Variants in CASR observed in about 807,000 individuals in gnomAD.
CASR encodes calcium sensing receptor.
In CASR, 23 loss-of-function variants were observed where a neutral mutation model predicts 69.1. That is an observed-to-expected ratio of 0.33 (90% CI 0.24 to 0.47). CASR has a LOEUF of 0.47. CASR is among the 20% of genes least tolerant of loss of function. The pLI, the probability that CASR is intolerant of heterozygous loss-of-function variation, is 1.00. For missense variants in CASR, 924 were observed against 1,356.1 expected, an observed-to-expected ratio of 0.68 and a Z score of 5.00; for synonymous variants, 541 against 544.7, an observed-to-expected ratio of 0.99 and a Z score of 0.10.
chr3:122,191,011 C>T (rs2073834588), intron 1 of CASR, among the ~76,000 whole-genome samples: 1 of 152,224 alleles, frequency 6.6e-6, no homozygotes, highest in African/African-American at 2.4e-5. Context: ...TCAGCTGCCT[C>T]TCCACCTTAT....
intron 1 of CASR, among the ~76,000 whole-genome samples, chr3:122,225,740 A>C (rs954809380): frequency 2.6e-5 from 4 of 152,204 alleles, no homozygotes; most frequent in African/African-American, 9.7e-5. Flanking sequence ...CCCAAAAGAA[A>C]ATAAATCATT....
intron 1 of CASR, among the ~76,000 whole-genome samples, chr3:122,184,739 G>A (rs1370090698): frequency 6.6e-6 from 1 of 152,244 alleles, no homozygotes; most frequent in Non-Finnish European, 1.5e-5. Context: ...GGATTGTTCA[G>A]TGCCCCTAGA....
At chr3:122,272,104 C>T (rs920305432) in intron 4 of CASR, among the ~76,000 whole-genome samples, 17 of 151,448 alleles carry the variant, frequency 1.1e-4, no homozygotes, top group East Asian at 3.9e-4. Flanking sequence ...CACACACACA[C>T]ACACACACAC....
intron 4 of CASR, among the ~76,000 whole-genome samples, chr3:122,271,324 G>A (rs2074754952): frequency 6.6e-6 from 1 of 152,202 alleles, no homozygotes; most frequent in Non-Finnish European, 1.5e-5. Context: ...CTAATGAAGT[G>A]TGGGTACAAC....
At chr3:122,201,219 C>T (rs1275684090) in intron 1 of CASR, among the ~76,000 whole-genome samples, 2 of 152,132 alleles carry the variant, frequency 1.3e-5, no homozygotes, top group African/African-American at 4.8e-5. Context: ...AGCATGTTGC[C>T]TTCAAGCATC....
intron 1 of CASR, among the ~76,000 whole-genome samples, chr3:122,242,474 A>C (rs759678416): frequency 2.6e-5 from 4 of 152,112 alleles, no homozygotes; most frequent in Non-Finnish European, 5.9e-5. Context: ...TAATCAAAGA[A>C]GTGAAAGATC....
chr3:122,220,013 T>G (rs2074155231), intron 1 of CASR, among the ~76,000 whole-genome samples: 1 of 152,236 alleles, frequency 6.6e-6, no homozygotes, highest in African/African-American at 2.4e-5. Flanking sequence ...TGTGTGGGTA[T>G]GCCTGCATGC....
chr3:122,224,389 A>G (rs1477835745), intron 1 of CASR, among the ~76,000 whole-genome samples: 1 of 152,254 alleles, frequency 6.6e-6, no homozygotes, highest in African/African-American at 2.4e-5. Context: ...GCATTACTAT[A>G]TACCAATAAC....
intron 1 of CASR, chr3:122,184,360 C>G (rs1450088404): frequency 6.5e-6 from 1 of 152,840 alleles, no homozygotes; most frequent in Non-Finnish European, 1.5e-5. Context: ...GACCCGAAGG[C>G]GGGCGCCGGG....
intron 1 of CASR, among the ~76,000 whole-genome samples, chr3:122,241,298 A>G (rs978621164): frequency 9.9e-5 from 15 of 152,214 alleles, no homozygotes; most frequent in African/African-American, 3.6e-4. Context: ...CAGACTAGGA[A>G]AAAATGAGAG....
At chr3:122,222,877 C>T (rs1443351336) in intron 1 of CASR, among the ~76,000 whole-genome samples, 2 of 151,534 alleles carry the variant, frequency 1.3e-5, no homozygotes, top group Admixed American at 6.6e-5. Flanking sequence ...CACTATTGGA[C>T]CACAGAGCAA....
chr3:122,260,532 G>A (rs1322638609), intron 3 of CASR, among the ~76,000 whole-genome samples: 1 of 152,200 alleles, frequency 6.6e-6, no homozygotes, highest in Non-Finnish European at 1.5e-5. Context: ...AAAGGGCTCT[G>A]GAAGGTGCTT....
chr3:122,268,285 C>A (rs752683917), intron 4 of CASR, among the ~76,000 whole-genome samples: 6 of 152,184 alleles, frequency 3.9e-5, no homozygotes, highest in Non-Finnish European at 7.3e-5. Flanking sequence ...GAGTATTATT[C>A]TTTTGTAGGT....
intron 1 of CASR, among the ~76,000 whole-genome samples, chr3:122,226,415 C>T (rs1353165134): frequency 6.6e-6 from 1 of 152,114 alleles, no homozygotes; most frequent in Non-Finnish European, 1.5e-5. Flanking sequence ...CTCATAAAGG[C>T]AGTGTGAACC....
At chr3:122,223,296 G>A (rs986984410) in intron 1 of CASR, among the ~76,000 whole-genome samples, 1 of 151,978 alleles carries the variant, frequency 6.6e-6, no homozygotes, top group African/African-American at 2.4e-5. Context: ...GAGATGGATA[G>A]GCCACTAGCT....
intron 4 of CASR, among the ~76,000 whole-genome samples, chr3:122,274,109 T>C (rs974858600): frequency 3.9e-5 from 6 of 152,148 alleles, no homozygotes; most frequent in Non-Finnish European, 7.4e-5. Context: ...TTCTCCATCT[T>C]TTTTGAGGAT....
At chr3:122,189,437 C>A (rs1354285297) in intron 1 of CASR, among the ~76,000 whole-genome samples, 1 of 152,186 alleles carries the variant, frequency 6.6e-6, no homozygotes, top group African/African-American at 2.4e-5. Context: ...ATGCAGATTT[C>A]TTGGGTTAAG....
chr3:122,193,589 G>A (rs2073859577), intron 1 of CASR, among the ~76,000 whole-genome samples: 2 of 152,096 alleles, frequency 1.3e-5, no homozygotes, highest in African/African-American at 2.4e-5. Context: ...ATCAGTTTCT[G>A]AGTACCTACC....
At chr3:122,209,456 C>T (rs1336754524) in intron 1 of CASR, among the ~76,000 whole-genome samples, 1 of 152,204 alleles carries the variant, frequency 6.6e-6, no homozygotes, top group Non-Finnish European at 1.5e-5. Context: ...GGAAGCCTCA[C>T]AATCATGGCA....
Sources: allele counts gnomAD v4.1 joint callset (sites outside exome capture counted in the v4.1 genomes callset), GRCh38; gene constraint gnomAD v4.1.1; transcripts MANE v1.5; gene names NCBI Gene and HGNC (gene_info 2026-07-23, HGNC 2026-07-21).